GRSF1: variants seen among roughly 807,000 people sequenced by gnomAD.
The protein encoded by GRSF1 is G-rich sequence factor 1.
In GRSF1, 50 loss-of-function variants were observed where a neutral mutation model predicts 51.1. The ratio of observed to expected loss-of-function variants is 0.98; its 90% CI spans 0.78 to 1.24. The LOEUF (loss-of-function observed/expected upper bound fraction) is 1.24. Ranked by LOEUF, GRSF1 falls within the 50% of genes most tolerant of loss-of-function variation. The pLI, the probability that GRSF1 is intolerant of heterozygous loss-of-function variation, is 0.00. For synonymous variants in GRSF1, 293 were observed against 253.3 expected (o/e 1.16, Z -1.49); for missense variants, 700 against 639.7 (o/e 1.09, Z -1.02).
upstream of GRSF1, among the ~76,000 whole-genome samples, chr4:70,843,163 TACTC>T (rs2148851046): frequency 6.6e-6 from 1 of 152,346 alleles, no homozygotes; most frequent in African/African-American, 2.4e-5. Flanking sequence ...AAAATGCAGT[TACTC>T]ACCTTCCACA....
At chr4:70,841,197 T>A (rs996747097), upstream of GRSF1, among the ~76,000 whole-genome samples, 2 of 152,168 alleles carry the variant, frequency 1.3e-5, no homozygotes, top group African/African-American at 4.8e-5. Flanking sequence ...GGAGGCCGAT[T>A]GCTTCAGCCC....
intron 1 of GRSF1, among the ~76,000 whole-genome samples, chr4:70,838,617 G>C (rs575575554): frequency 1.3e-5 from 2 of 152,112 alleles, no homozygotes; most frequent in African/African-American, 4.8e-5. Context: ...AAAGTGTGCA[G>C]ACACTTCCCA....
At chr4:70,828,705 G>A (rs1189442683) in intron 5 of GRSF1, among the ~76,000 whole-genome samples, 1 of 150,482 alleles carries the variant, frequency 6.6e-6, no homozygotes, top group Non-Finnish European at 1.5e-5. Context: ...AGTAGCTGGG[G>A]ACTACTGCCA....
chr4:70,835,320 C>T (rs1048865175), intron 2 of GRSF1, among the ~76,000 whole-genome samples: 2 of 150,774 alleles, frequency 1.3e-5, no homozygotes, highest in African/African-American at 4.9e-5. Context: ...GCAGTCGCTA[C>T]TAGGGAGGCT....
At chr4:70,830,285 C>T (rs1423840068) in intron 5 of GRSF1, among the ~76,000 whole-genome samples, 1 of 152,058 alleles carries the variant, frequency 6.6e-6, no homozygotes, top group Non-Finnish European at 1.5e-5. Context: ...CGCACGCACA[C>T]ACACATACAC....
chr4:70,835,410 C>A (rs1181810385), intron 2 of GRSF1, among the ~76,000 whole-genome samples: 3 of 138,318 alleles, frequency 2.2e-5, no homozygotes, highest in Admixed American at 7.2e-5. Context: ...AGCCTGGCGA[C>A]AGAGCGAGAC....
intron 3 of GRSF1, among the ~76,000 whole-genome samples, 176 bp from the exon 4 acceptor site, chr4:70,832,626 A>C (rs750141580): frequency 1.3e-5 from 2 of 152,230 alleles, no homozygotes; most frequent in Non-Finnish European, 2.9e-5. Flanking sequence ...CCATGCGGGC[A>C]TAACTTCTTT....
Position 70,819,264 on chromosome 4 carries a change from A to AT in GRSF1, c.*1622_*1623insA, listed in dbSNP as rs1733419804. ...CACAGCAAATCAGATACCAAATGTG[A>AT]AAGAGCAACAAAGATCACATTCTAA... On this transcript the variant is annotated 3_prime_UTR_variant, in exon 10 of 10. Coordinates refer to ENST00000254799, the MANE Select transcript of GRSF1 (RefSeq NM_002092.4). 6.6e-6 allele frequency: 1 copy of AT among 152,192 alleles called. No individual in the cohort carries two copies. Among genetic ancestry groups the AT allele is most frequent in the African/African-American group, 2.4e-5 (1 of 41,452 alleles). 9.4% of individuals were successfully genotyped at this position (152,192 alleles called of 1,614,324 possible).
At chr4:70,840,616 A>G (rs1330913334), upstream of GRSF1, among the ~76,000 whole-genome samples, 1 of 152,114 alleles carries the variant, frequency 6.6e-6, no homozygotes, top group East Asian at 1.9e-4. Flanking sequence ...CACAAAAATT[A>G]GCCGGGTGTG....
At position 70,824,030 on chromosome 4, in the gene GRSF1, G is replaced by A. The variant is rs548335599; in HGVS notation, c.*25+264C>T. Among the ~76,000 whole-genome samples the A allele has an allele frequency of 4.7e-5, 6 of 128,420 alleles. No individual in the cohort carries two copies. In the East Asian group the frequency reaches 1.5e-3, roughly 33 times the overall value. The allele number at this position is 128,420 out of a possible 152,430, so 84.2% of individuals were successfully genotyped here. ...CTGTTGCCCAGGCTGGAGTGCAGTG[G>A]CACAATCTCAGCTCACTGCAACCGC... On this transcript the variant is annotated intron_variant, in intron 9 of 9. Transcript: ENST00000254799.
chr4:70,822,990 G>A (rs1017264061), intron 9 of GRSF1, among the ~76,000 whole-genome samples: 11 of 152,138 alleles, frequency 7.2e-5, no homozygotes, highest in Admixed American at 3.3e-4. Flanking sequence ...CCAGCTACTC[G>A]GGAGACTGAG....
At chr4:70,833,824 C>T (rs1215186043) in intron 2 of GRSF1, among the ~76,000 whole-genome samples, 2 of 151,824 alleles carry the variant, frequency 1.3e-5, no homozygotes, top group African/African-American at 4.8e-5. Context: ...CAGCCTTTTT[C>T]CCCTTTTCAT....
intron 5 of GRSF1, among the ~76,000 whole-genome samples, chr4:70,829,027 C>T (rs1272602037): frequency 6.6e-6 from 1 of 152,010 alleles, no homozygotes; most frequent in Non-Finnish European, 1.5e-5. Context: ...GCATGAGCCA[C>T]CATGCCCAGC....
In GRSF1 at chr4:70,817,819, TAGC is replaced by T. The variant is rs1357160804; in HGVS notation, c.*3065_*3067del. The stretch of plus-strand genomic sequence containing the variant: ...ACAAAAACCTGCACATAAATGTTTA[TAGC>T]AGCTTTATTCCCTTCCTACAAACTT... On this transcript the variant is annotated 3_prime_UTR_variant, in exon 10 of 10. Coordinates refer to ENST00000254799, the MANE Select transcript of GRSF1 (RefSeq NM_002092.4). 6.6e-6 allele frequency: 1 copy of T among 152,230 alleles called. No individual in the cohort carries two copies. The allele number at this position is 152,230 out of a possible 1,614,324, so 9.4% of individuals were successfully genotyped here.
chr4:70,839,470 C>G lies in GRSF1; in HGVS notation c.357+1G>C. ...CCAGGTCCCTCACGGCGCCCACGTA[C>G]CTGGCTGTAGCTGCGCGTCGGGACG... On this transcript the variant is annotated splice_donor_variant, in intron 1 of 9. Transcript: ENST00000254799. LOFTEE classifies it high-confidence loss of function. The G allele has an allele frequency of 6.9e-7, 1 of 1,457,388 alleles. No homozygotes were observed. The highest frequency in any genetic ancestry group is 1.3e-5 in the South Asian group (1 of 75,040). 90.3% of individuals were successfully genotyped at this position (1,457,388 alleles called of 1,614,324 possible).
chr4:70,820,659 C>A lies in GRSF1; in HGVS notation c.*228G>T, dbSNP rs1351236887. ...TAAATCAGATCCTGGACAGTTTAAA[C>A]AAAAATTTTAATTTGTGGTTTATTT... On this transcript the variant is annotated 3_prime_UTR_variant, in exon 10 of 10. Coordinates refer to ENST00000254799, the MANE Select transcript of GRSF1 (RefSeq NM_002092.4). The A allele has an allele frequency of 2.0e-5, 3 of 152,342 alleles. No homozygotes were observed. The highest frequency in any genetic ancestry group is 7.2e-5 in the African/African-American group (3 of 41,438). 9.4% of individuals were successfully genotyped at this position (152,342 alleles called of 1,614,324 possible). A position where few individuals can be genotyped will look rare whatever the true frequency, so the allele number is the denominator to read the frequency against.
rs1458487203 is a variant in GRSF1 at position 70,819,847 on chromosome 4, G to C, written c.*1040C>G. 6.6e-6 allele frequency: 1 copy of C among 152,396 alleles called. No homozygotes were observed. Among genetic ancestry groups the C allele is most frequent in the East Asian group, 1.9e-4 (1 of 5,188 alleles). 9.4% of individuals were successfully genotyped at this position (152,396 alleles called of 1,614,324 possible). A position where few individuals can be genotyped will look rare whatever the true frequency, so the allele number is the denominator to read the frequency against. ...TTGTCCAATATTTAAATAACAAGCT[G>C]TTTAATATTAAAGCAGAAAGTACTG... On this transcript the variant is annotated 3_prime_UTR_variant, in exon 10 of 10. Transcript: ENST00000254799.
Position 70,839,710 on chromosome 4 carries a change from G to C in GRSF1, c.118C>G (p.Pro40Ala), listed in dbSNP as rs1269756187. Residue 40 changes from proline to alanine, a missense_variant, in exon 1 of 10, where the codon CCG becomes GCG. Coordinates refer to ENST00000254799, the MANE Select transcript of GRSF1 (RefSeq NM_002092.4). ...LPFYSAAGSI[P>A]SGVSGRRRLL... Reference sequence around the variant, plus strand: ...CGGCGGCGGCCCGAGACGCCCGACGGGATAGAGCCAGCGGCGGAGTAGAAG... The same window carrying C: ...CGGCGGCGGCCCGAGACGCCCGACGCGATAGAGCCAGCGGCGGAGTAGAAG... 10 of 1,490,132 alleles carry C rather than the reference G, an allele frequency of 6.7e-6. No individual in the cohort carries two copies. The highest frequency in any genetic ancestry group is 8.0e-6 in the Non-Finnish European group (9 of 1,128,514). 92.3% of individuals were successfully genotyped at this position (1,490,132 alleles called of 1,614,324 possible).
At chr4:70,840,441 C>A (rs577614024), upstream of GRSF1, among the ~76,000 whole-genome samples, 2 of 152,254 alleles carry the variant, frequency 1.3e-5, no homozygotes, top group South Asian at 2.1e-4. Context: ...ACCTAGGCAA[C>A]ACGGTGAAAT....
Sources: allele counts gnomAD v4.1 joint callset (sites outside exome capture counted in the v4.1 genomes callset), GRCh38; gene constraint gnomAD v4.1.1; transcripts MANE v1.5; gene names NCBI Gene and HGNC (gene_info 2026-07-23, HGNC 2026-07-21).